Variants in MAST4 observed in about 807,000 individuals in gnomAD.
MAST4 encodes microtubule associated serine/threonine kinase family member 4, also known as microtubule-associated serine/threonine-protein kinase 4.
Under a neutral mutation model 162.7 loss-of-function variants are expected in MAST4, and 89 were observed. That is an observed-to-expected ratio of 0.55 (90% CI 0.46 to 0.65). MAST4 has a LOEUF of 0.65. Among genes scored for constraint, MAST4 ranks in the 30% least tolerant of loss-of-function variants. The pLI is 0.00. For synonymous variants in MAST4, 1,479 were observed against 1,361.1 expected, an observed-to-expected ratio of 1.09 and a Z score of -1.91; for missense variants, 3,153 against 3,374.0, an observed-to-expected ratio of 0.93 and a Z score of 1.62.
In MAST4 at chr5:67,163,005, G is replaced by A; in HGVS notation, c.3968-142G>A. 1 of 1,129,290 alleles carries A rather than the reference G, an allele frequency of 8.9e-7. No individual in the cohort carries two copies. The highest frequency in any genetic ancestry group is 1.3e-6 in the Non-Finnish European group (1 of 794,814). The allele number at this position is 1,129,290 out of a possible 1,614,324, so 70.0% of individuals were successfully genotyped here. A position where few individuals can be genotyped will look rare whatever the true frequency, so the allele number is the denominator to read the frequency against. On this transcript the variant is annotated intron_variant, in intron 28 of 28. Coordinates refer to ENST00000403625, the MANE Select transcript of MAST4 (RefSeq NM_001164664.2). The surrounding 1 kb of genome is among the most constrained non-coding windows in gnomAD (Gnocchi z 7.0). The stretch of plus-strand genomic sequence containing the variant: ...AACCTTGGCCTGGAGAGGTTTATCT[G>A]AAAAGTGTTTATTCCACTAGCTAAA...
intron 3 of MAST4, among the ~76,000 whole-genome samples, chr5:66,839,586 A>G (rs1410291739): frequency 6.6e-6 from 1 of 152,056 alleles, no homozygotes; most frequent in East Asian, 1.9e-4. Flanking sequence ...GAAGATGTGT[A>G]GGTTTTTTTT....
rs181398701 is a variant in MAST4, at chr5:66,946,834, G to A, written c.674+46852G>A. On this transcript the variant is annotated intron_variant, in intron 4 of 28. Transcript: ENST00000403625. ...TCAGAATGCATTACGAGTCGGGAATGCATAAAAGCACATAGTAACTTTTAA... is the reference window on the plus strand; with the variant it reads ...TCAGAATGCATTACGAGTCGGGAATACATAAAAGCACATAGTAACTTTTAA... Among the ~76,000 whole-genome samples, 306 of 152,254 alleles carry A rather than the reference G, an allele frequency of 2.0e-3. 1 individual carries two copies. The highest frequency in any genetic ancestry group is 3.1e-3 in the Non-Finnish European group (214 of 68,000).
At chr5:66,743,853 A>G (rs1310493153) in intron 1 of MAST4, among the ~76,000 whole-genome samples, 1 of 152,042 alleles carries the variant, frequency 6.6e-6, no homozygotes, top group South Asian at 2.1e-4. Context: ...TTACAATTGC[A>G]TATTATGTAT....
intron 1 of MAST4, among the ~76,000 whole-genome samples, chr5:66,731,217 G>T (rs2149554605): frequency 6.7e-6 from 1 of 150,174 alleles, no homozygotes; most frequent in African/African-American, 2.5e-5. Context: ...CATGCTTTAT[G>T]ATAAAGTAGC....
intron 4 of MAST4, among the ~76,000 whole-genome samples, chr5:66,923,834 C>A (rs1451994331): frequency 6.6e-6 from 1 of 152,172 alleles, no homozygotes; most frequent in Non-Finnish European, 1.5e-5. Context: ...TGGCCTTGTA[C>A]ATAAAGGGAT....
chr5:66,702,233 A>T (rs1311766932), intron 1 of MAST4, among the ~76,000 whole-genome samples: 1 of 152,170 alleles, frequency 6.6e-6, no homozygotes, highest in Non-Finnish European at 1.5e-5. Flanking sequence ...TCCTCATCCC[A>T]GTGGTCCCTC....
At chr5:66,899,422 G>C (rs1762872122) in intron 3 of MAST4, among the ~76,000 whole-genome samples, 1 of 152,092 alleles carries the variant, frequency 6.6e-6, no homozygotes, top group African/African-American at 2.4e-5. Context: ...TGGATGTTTT[G>C]AGAAATAATA....
chr5:66,656,979 A>T (rs1255771968), intron 1 of MAST4, among the ~76,000 whole-genome samples: 1 of 152,174 alleles, frequency 6.6e-6, no homozygotes, highest in African/African-American at 2.4e-5. Context: ...CATATGTCTT[A>T]CTTTGCCCAG....
intron 4 of MAST4, among the ~76,000 whole-genome samples, chr5:67,013,216 C>T (rs894325410): frequency 6.6e-6 from 1 of 152,198 alleles, no homozygotes; most frequent in African/African-American, 2.4e-5. Flanking sequence ...TTCTGAAGTT[C>T]TTGAATAAGC....
intron 1 of MAST4, among the ~76,000 whole-genome samples, chr5:66,653,466 T>G (rs1022301219): frequency 1.2e-4 from 18 of 152,204 alleles, no homozygotes; most frequent in Non-Finnish European, 5.9e-5. Flanking sequence ...CATTGCCTAC[T>G]CAGCCTGTGG....
At position 66,826,736 on chromosome 5, in the gene MAST4, G is replaced by A. The variant is rs141793609; in HGVS notation, c.642+37942G>A. ...GTAGAAGTGTATATGAGTACACCATGCTTGGCTTTTGCTTTTAAAAATTGA... is the reference window on the plus strand; with the variant it reads ...GTAGAAGTGTATATGAGTACACCATACTTGGCTTTTGCTTTTAAAAATTGA... On this transcript the variant is annotated intron_variant, in intron 3 of 28. Transcript: ENST00000403625. Among the ~76,000 whole-genome samples, 72 of 152,222 alleles carry A rather than the reference G, an allele frequency of 4.7e-4. 1 individual carries two copies. Among genetic ancestry groups the A allele is most frequent in the East Asian group, 3.9e-4 (2 of 5,176 alleles).
At chr5:66,793,785 A>G (rs943817809) in intron 3 of MAST4, among the ~76,000 whole-genome samples, 8 of 152,154 alleles carry the variant, frequency 5.3e-5, no homozygotes, top group Admixed American at 3.9e-4. Context: ...TTCCTTGACC[A>G]TCCTGTTTCA....
At chr5:67,086,533 A>G (rs1191689722) in intron 5 of MAST4, among the ~76,000 whole-genome samples, 1 of 152,164 alleles carries the variant, frequency 6.6e-6, no homozygotes, top group Non-Finnish European at 1.5e-5. Flanking sequence ...TTACCTACCT[A>G]ATGCCTGACC....
At chr5:67,078,882 AT>A (rs1363098551) in intron 5 of MAST4, among the ~76,000 whole-genome samples, 77 of 95,092 alleles carry the variant, frequency 8.1e-4, no homozygotes, top group Non-Finnish European at 1.3e-3. Context: ...TTATATAAAT[AT>A]ATTTATATAT....
At chr5:66,624,917 A>G (rs939372381) in intron 1 of MAST4, among the ~76,000 whole-genome samples, 5 of 152,240 alleles carry the variant, frequency 3.3e-5, no homozygotes, top group Non-Finnish European at 7.3e-5. Flanking sequence ...AGAAGAAAAC[A>G]GGGAAAACCT....
intron 1 of MAST4, among the ~76,000 whole-genome samples, chr5:66,639,278 TTGTGTGTGTGTGTG>T (rs70987132): frequency 6.5e-5 from 9 of 138,624 alleles, no homozygotes; most frequent in East Asian, 2.1e-4. Flanking sequence ...GAGAGGCAGC[TTGTGTGTGTGTGTG>T]TGTGTGTGTG....
intron 3 of MAST4, among the ~76,000 whole-genome samples, chr5:66,879,193 G>A (rs1177290060): frequency 6.6e-6 from 1 of 152,052 alleles, no homozygotes; most frequent in African/African-American, 2.4e-5. Context: ...GCAGGAGAAT[G>A]GCGTGGACCC....
At chr5:66,765,876 A>G (rs1754072845) in intron 2 of MAST4, among the ~76,000 whole-genome samples, 1 of 152,038 alleles carries the variant, frequency 6.6e-6, no homozygotes, top group Non-Finnish European at 1.5e-5. Context: ...GCTGGCATTT[A>G]AACAATAGAC....
At chr5:66,677,745 T>G (rs527374110) in intron 1 of MAST4, among the ~76,000 whole-genome samples, 2 of 152,060 alleles carry the variant, frequency 1.3e-5, no homozygotes, top group South Asian at 4.2e-4. Context: ...CCAGGCACAC[T>G]TAAATGGCAG....
Sources: allele counts gnomAD v4.1 joint callset (sites outside exome capture counted in the v4.1 genomes callset), GRCh38; gene constraint gnomAD v4.1.1; non-coding constraint Gnocchi (gnomAD v3.1); transcripts MANE v1.5; gene names NCBI Gene and HGNC (gene_info 2026-07-23, HGNC 2026-07-21).